Variants in NBPF12 observed in about 807,000 individuals in gnomAD.
The protein encoded by NBPF12 is NBPF family member NBPF12.
In NBPF12, 115 loss-of-function variants were observed where a neutral mutation model predicts 146.4. The observed-to-expected ratio is 0.79, with a 90% CI of 0.68 to 0.92. The LOEUF is 0.92. NBPF12 is among the 40% of genes least tolerant of loss of function. The pLI is 0.00. For synonymous variants in NBPF12, 385 were observed against 508.9 expected (o/e 0.76, Z 3.28); for missense variants, 1,205 against 1,326.8 (o/e 0.91, Z 1.43).
At chr1:146,974,527 C>G (rs1217519362) in intron 14 of NBPF12, among the ~76,000 whole-genome samples, 1 of 121,422 alleles carries the variant, frequency 8.2e-6, no homozygotes, top group Non-Finnish European at 1.6e-5. Context: ...CTTGATGTGC[C>G]CTTGAGGTTC....
intron 29 of NBPF12, among the ~76,000 whole-genome samples, chr1:146,990,746 A>G (rs1214614633): frequency 4.9e-5 from 6 of 121,690 alleles, no homozygotes; most frequent in Admixed American, 2.9e-4. Context: ...CCGTATGGCA[A>G]CTGCATGGAA....
rs1450314380 is a variant in NBPF12 at position 146,953,015 on chromosome 1, G to A, written c.-184+1526G>A. Among the ~76,000 whole-genome samples the A allele has an allele frequency of 1.3e-4, 20 of 151,260 alleles. No homozygotes were observed. The East Asian group carries it at 3.7e-3, about 28-fold the overall frequency. ...CCAAGGCATTAAGAAATGCATGGGTGAGGGGAACAGCGGCGTGCCTGTAAA... is the reference window on the plus strand; with the variant it reads ...CCAAGGCATTAAGAAATGCATGGGTAAGGGGAACAGCGGCGTGCCTGTAAA... On this transcript the variant is annotated intron_variant, in intron 2 of 33. Coordinates refer to ENST00000617844, the Ensembl canonical transcript of NBPF12.
rs1323744208 is a variant in NBPF12 at position 146,967,681 on chromosome 1, T to A, written c.989-767T>A. ...GGGACCGTGGGCCTGTCTCCTGGGC[T>A]CCATCCAAGGTGCTTGTCTTGTCTG... On this transcript the variant is annotated intron_variant, in intron 9 of 33. Coordinates refer to ENST00000617844, the Ensembl canonical transcript of NBPF12. Among the ~76,000 whole-genome samples, 41 of 149,978 alleles carry A rather than the reference T, an allele frequency of 2.7e-4. No individual in the cohort carries two copies. The East Asian group carries it at 7.6e-3, about 28-fold the overall frequency.
chr1:146,966,467 C>T, exon 9 of NBPF12: 1 of 1,368,590 alleles, frequency 7.3e-7, no homozygotes, highest in Non-Finnish European at 1.0e-6. Flanking sequence ...TCCCCAGTCC[C>T]TGGCCCCACC....
chr1:146,962,239 A>G (rs2101847844), exon 5 of NBPF12: 1 of 1,605,924 alleles, frequency 6.2e-7, no homozygotes, highest in Non-Finnish European at 8.5e-7. Flanking sequence ...CTTGCAGAGC[A>G]GCTGAAACAA....
intron 31 of NBPF12, 85 bp from the exon 35 acceptor site, chr1:146,992,627 C>G (rs1658275472): frequency 1.2e-5 from 9 of 773,968 alleles, no homozygotes; most frequent in South Asian, 2.7e-5. Flanking sequence ...TTAACCACTT[C>G]CTTATGCTAC....
chr1:146,954,960 C>T (rs2101831951), intron 2 of NBPF12, among the ~76,000 whole-genome samples: 1 of 82,602 alleles, frequency 1.2e-5, no homozygotes, highest in East Asian at 3.8e-4. Context: ...TTATCATCTC[C>T]AAATAGGGAA....
At chr1:146,939,915 G>A (rs1374374866) in intron 1 of NBPF12, among the ~76,000 whole-genome samples, 12 of 151,468 alleles carry the variant, frequency 7.9e-5, no homozygotes, top group Non-Finnish European at 1.5e-4. Flanking sequence ...CCTGGGAGGC[G>A]GAGGTTGCAG....
At chr1:146,982,965 G>C (rs1314143994) in exon 20 of NBPF12, 26 of 1,608,954 alleles carry the variant, frequency 1.6e-5, no homozygotes, top group Non-Finnish European at 2.2e-5. Context: ...AGTCCCCCAG[G>C]AGTCCTGGGA....
upstream of NBPF12, among the ~76,000 whole-genome samples, chr1:146,946,399 G>A (rs1403908049): frequency 6.6e-6 from 1 of 150,968 alleles, no homozygotes; most frequent in East Asian, 1.9e-4. Context: ...TAGGTTTACG[G>A]TGATATCTCG....
chr1:146,976,273 T>A (rs1381869044), intron 16 of NBPF12, among the ~76,000 whole-genome samples: 1 of 151,074 alleles, frequency 6.6e-6, no homozygotes, highest in Non-Finnish European at 1.5e-5. Context: ...AGTGAATGAC[T>A]TGTCCTTCCT....
At chr1:146,982,656 A>G (rs1657467837) in intron 19 of NBPF12, among the ~76,000 whole-genome samples, 1 of 150,592 alleles carries the variant, frequency 6.6e-6, no homozygotes, top group Non-Finnish European at 1.5e-5. Context: ...GCTGCAAGTC[A>G]TGATGGTAGT....
intron 9 of NBPF12, among the ~76,000 whole-genome samples, chr1:146,967,766 C>T (rs1656298975): frequency 1.3e-5 from 2 of 150,140 alleles, no homozygotes; most frequent in Non-Finnish European, 2.9e-5. Context: ...CTGTAAATTG[C>T]TACAGTGAAT....
intron 14 of NBPF12, among the ~76,000 whole-genome samples, chr1:146,974,112 G>A (rs1471773998): frequency 1.3e-5 from 2 of 150,244 alleles, no homozygotes; most frequent in Admixed American, 6.6e-5. Context: ...TTGGCACAGA[G>A]TAAACACTAT....
chr1:146,972,696 C>A, intron 13 of NBPF12, 55 bp from the exon 17 acceptor site: 2 of 1,347,582 alleles, frequency 1.5e-6, no homozygotes, highest in Non-Finnish European at 2.1e-6. Flanking sequence ...CTGATTAAGC[C>A]TATTTCATTT....
chr1:146,994,278 T>A, intron 33 of NBPF12, 54 bp from the exon 37 acceptor site: 1 of 1,611,174 alleles, frequency 6.2e-7, no homozygotes, highest in Non-Finnish European at 8.5e-7. Flanking sequence ...CTAGTGAGGC[T>A]CTGTGGTGTC....
intron 25 of NBPF12, among the ~76,000 whole-genome samples, chr1:146,987,694 T>TC (rs1657868155): frequency 7.3e-6 from 1 of 136,332 alleles, no homozygotes; most frequent in African/African-American, 2.7e-5. Flanking sequence ...TCTCTCTCTC[T>TC]TTCTCTCTCA....
At chr1:146,972,549 A>T (rs1213874380) in intron 13 of NBPF12, among the ~76,000 whole-genome samples, 5 of 151,774 alleles carry the variant, frequency 3.3e-5, no homozygotes, top group African/African-American at 7.3e-5. Context: ...AGAAGTGTTT[A>T]TGTCCTGGTT....
chr1:146,971,959 G>A (rs1266481368), intron 13 of NBPF12, among the ~76,000 whole-genome samples: 1 of 149,438 alleles, frequency 6.7e-6, no homozygotes, highest in Non-Finnish European at 1.5e-5. Context: ...GCGGTGTTGG[G>A]TGCCTGTAGT....
Sources: gnomAD v4.1 joint callset for allele counts (sites outside exome capture counted in the v4.1 genomes callset) on GRCh38, gnomAD v4.1.1 for gene constraint, MANE v1.5 for transcripts, NCBI Gene and HGNC (gene_info 2026-07-23, HGNC 2026-07-21) for gene names.